ADAMTSL1: variants seen among roughly 807,000 people sequenced by gnomAD.
ADAMTSL1 encodes the protein ADAMTS-like protein 1.
Under a neutral mutation model 201.8 loss-of-function variants are expected in ADAMTSL1, and 126 were observed. That is an observed-to-expected ratio of 0.62 (90% CI 0.54 to 0.72). The LOEUF is 0.72. ADAMTSL1 is among the 30% of genes least tolerant of loss of function. The probability of loss-of-function intolerance (pLI) is 0.00; values close to 1 mark genes in which losing one functional copy is unlikely to be tolerated. For synonymous variants in ADAMTSL1, 1,121 were observed against 903.4 expected (o/e 1.24, Z -4.32); for missense variants, 2,679 against 2,277.8 (o/e 1.18, Z -3.59).
chr9:17,983,604 A>G lies in ADAMTSL1; in HGVS notation c.87+76682A>G, dbSNP rs147602303. On this transcript the variant is annotated intron_variant, in intron 1 of 29. Coordinates refer to the ADAMTSL1 transcript ENST00000680146. ...AGAATTTGATATTATGTAATTGACTAGCCTTGTGATTTCAATTTAAAATGT... is the reference window on the plus strand; with the variant it reads ...AGAATTTGATATTATGTAATTGACTGGCCTTGTGATTTCAATTTAAAATGT... Among the ~76,000 whole-genome samples the G allele has an allele frequency of 1.5e-3, 234 of 152,328 alleles. 2 individuals are homozygous for G. The highest frequency in any genetic ancestry group is 5.4e-3 in the African/African-American group (224 of 41,592).
At chr9:18,840,570 A>G (rs1166700818) in intron 23 of ADAMTSL1, among the ~76,000 whole-genome samples, 1 of 152,200 alleles carries the variant, frequency 6.6e-6, no homozygotes, top group Non-Finnish European at 1.5e-5. Context: ...CAATTCTGTG[A>G]AGAAAGTCAT....
At chr9:18,833,976 T>C (rs80059932) in intron 23 of ADAMTSL1, among the ~76,000 whole-genome samples, 5,853 of 152,290 alleles carry the variant, frequency 0.038, 155 homozygotes, top group South Asian at 0.098. Flanking sequence ...TTTTGTCAGT[T>C]TATCGAAGAT....
intron 1 of ADAMTSL1, among the ~76,000 whole-genome samples, chr9:17,982,925 T>C (rs1818769237): frequency 6.6e-6 from 1 of 152,006 alleles, no homozygotes; most frequent in Non-Finnish European, 1.5e-5. Flanking sequence ...GGCTGCATAT[T>C]ACCATTATAT....
At chr9:18,862,675 C>G (rs192399926) in intron 23 of ADAMTSL1, among the ~76,000 whole-genome samples, 1 of 152,036 alleles carries the variant, frequency 6.6e-6, no homozygotes, top group African/African-American at 2.4e-5. Flanking sequence ...ATGGTATGAC[C>G]CAAGTATGAT....
chr9:18,671,832 T>C (rs972721893), intron 9 of ADAMTSL1, among the ~76,000 whole-genome samples: 4 of 152,034 alleles, frequency 2.6e-5, no homozygotes, highest in Admixed American at 6.5e-5. Context: ...GGGCAGGAGA[T>C]CGAGACCATC....
chr9:18,699,291 C>CT (rs1831775923), intron 13 of ADAMTSL1, among the ~76,000 whole-genome samples: 1 of 147,358 alleles, frequency 6.8e-6, no homozygotes, highest in African/African-American at 2.5e-5. Context: ...GTAAATATAG[C>CT]TTTTCCATGT....
intron 4 of ADAMTSL1, among the ~76,000 whole-genome samples, chr9:18,595,114 G>A (rs1587667490): frequency 6.6e-6 from 1 of 152,118 alleles, no homozygotes; most frequent in South Asian, 2.1e-4. Flanking sequence ...ATGGATCTGG[G>A]GAAGATCCAA....
chr9:17,972,256 G>C (rs1180658618), intron 1 of ADAMTSL1, among the ~76,000 whole-genome samples: 3 of 136,340 alleles, frequency 2.2e-5, no homozygotes, highest in Non-Finnish European at 3.2e-5. Flanking sequence ...TTGGTGTGCT[G>C]CATCCATTAA....
rs879557161 is a variant in ADAMTSL1, at chr9:18,256,408, G to A, written c.207+92427G>A. ...AGGAGTTCCTCAAAGGTAGGGTGTA[G>A]GTACAGGAAAGAATGCAAAGTACAG... On this transcript the variant is annotated intron_variant, in intron 2 of 29. Transcript: ENST00000680146. 4.3e-4 allele frequency among the ~76,000 whole-genome samples: 65 copies of A among 152,156 alleles called. 1 individual carries two copies. The highest frequency in any genetic ancestry group is 8.1e-4 in the Non-Finnish European group (55 of 68,034).
intron 1 of ADAMTSL1, among the ~76,000 whole-genome samples, chr9:18,061,624 G>T (rs776430544): frequency 6.6e-6 from 1 of 152,184 alleles, no homozygotes; most frequent in Non-Finnish European, 1.5e-5. Context: ...GAGCAAGTTA[G>T]ATGCCCCCAG....
At chr9:17,916,465 C>T (rs1826098023) in intron 1 of ADAMTSL1, among the ~76,000 whole-genome samples, 1 of 152,038 alleles carries the variant, frequency 6.6e-6, no homozygotes, top group African/African-American at 2.4e-5. Flanking sequence ...CATTTAGTTT[C>T]TTTCATTCTT....
intron 26 of ADAMTSL1, among the ~76,000 whole-genome samples, chr9:18,903,950 T>G (rs182351580): frequency 4.6e-4 from 62 of 135,254 alleles, no homozygotes; most frequent in African/African-American, 1.7e-3. Flanking sequence ...GAGATATACT[T>G]CATGTTTTAA....
intron 2 of ADAMTSL1, among the ~76,000 whole-genome samples, chr9:18,217,454 A>T (rs1186423909): frequency 6.6e-6 from 1 of 151,906 alleles, no homozygotes; most frequent in Non-Finnish European, 1.5e-5. Flanking sequence ...TCTGTCTGTC[A>T]CCTTAGAAAT....
At chr9:17,959,396 T>C (rs1473370241) in intron 1 of ADAMTSL1, among the ~76,000 whole-genome samples, 1 of 152,198 alleles carries the variant, frequency 6.6e-6, no homozygotes, top group Non-Finnish European at 1.5e-5. Flanking sequence ...CCCACAGCTT[T>C]ACTGGGTATT....
Position 18,392,621 on chromosome 9 carries a change from A to C in ADAMTSL1, c.208-112208A>C, listed in dbSNP as rs1472905855. The stretch of plus-strand genomic sequence containing the variant: ...TCCTTTCCAGGCTACCTGTGTGTAC[A>C]TGTTCAAACAAAGTAACCTTACACA... On this transcript the variant is annotated intron_variant, in intron 2 of 29. Transcript: ENST00000680146. Among the ~76,000 whole-genome samples the C allele has an allele frequency of 2.6e-5, 4 of 152,342 alleles. No homozygotes were observed. The East Asian group carries it at 5.8e-4, about 22-fold the overall frequency.
chr9:18,427,855 G>T (rs1819295554), intron 2 of ADAMTSL1, among the ~76,000 whole-genome samples: 1 of 152,250 alleles, frequency 6.6e-6, no homozygotes, highest in Non-Finnish European at 1.5e-5. Flanking sequence ...TGATGAGACT[G>T]CTCAGTTCCT....
At chr9:18,525,427 TG>T (rs1444321028) in intron 2 of ADAMTSL1, among the ~76,000 whole-genome samples, 3 of 152,216 alleles carry the variant, frequency 2.0e-5, no homozygotes, top group Non-Finnish European at 4.4e-5. Flanking sequence ...AAGGGTTTTT[TG>T]TGTGTCTATC....
chr9:18,303,770 C>T (rs1025908452), intron 2 of ADAMTSL1, among the ~76,000 whole-genome samples: 2 of 152,128 alleles, frequency 1.3e-5, no homozygotes, highest in African/African-American at 2.4e-5. Flanking sequence ...GGTTTTATGG[C>T]CATTAATGGA....
At chr9:18,421,275 G>A (rs1032132353) in intron 2 of ADAMTSL1, among the ~76,000 whole-genome samples, 2 of 152,134 alleles carry the variant, frequency 1.3e-5, no homozygotes, top group African/African-American at 4.8e-5. Flanking sequence ...TATTGCATTT[G>A]AGTAACTCTG....
Sources: gnomAD v4.1 joint callset for allele counts (sites outside exome capture counted in the v4.1 genomes callset) on GRCh38, gnomAD v4.1.1 for gene constraint, MANE v1.5 for transcripts, NCBI Gene and HGNC (gene_info 2026-07-23, HGNC 2026-07-21) for gene names.